PRICKLE2: variants seen among roughly 807,000 people sequenced by gnomAD.
PRICKLE2 encodes the protein prickle planar cell polarity protein 2, also known as prickle-like protein 2.
A neutral mutation model predicts 81.4 loss-of-function variants in PRICKLE2; 21 were observed. The ratio of observed to expected loss-of-function variants is 0.26; its 90% CI spans 0.18 to 0.37. The LOEUF (loss-of-function observed/expected upper bound fraction) is 0.37, where lower values mean the gene tolerates loss of function less well. PRICKLE2 is among the 10% of genes least tolerant of loss of function. The pLI is 1.00. For missense variants in PRICKLE2, 940 were observed against 1,109.0 expected (o/e 0.85, Z 2.16); for synonymous variants, 456 against 421.5 (o/e 1.08, Z -1.00).
At chr3:64,211,936 T>C (rs1316155340) in intron 1 of PRICKLE2, among the ~76,000 whole-genome samples, 1 of 152,196 alleles carries the variant, frequency 6.6e-6, no homozygotes, top group Non-Finnish European at 1.5e-5. Context: ...ACTGAGATGT[T>C]GACAGGAGTC....
intron 7 of PRICKLE2, 92 bp from the exon 8 acceptor site, chr3:64,100,017 T>C (rs1289252997): frequency 1.4e-6 from 2 of 1,419,884 alleles, no homozygotes; most frequent in Non-Finnish European, 2.0e-6. Flanking sequence ...AGGGTCATTA[T>C]ATACCGTTGT....
chr3:64,222,553 C>T (rs915427739), intron 1 of PRICKLE2, among the ~76,000 whole-genome samples: 2 of 152,118 alleles, frequency 1.3e-5, no homozygotes, highest in Non-Finnish European at 2.9e-5. Context: ...CAAAATTGTG[C>T]CATAGCAGTG....
Position 64,183,101 on chromosome 3 carries a change from TTAAAA to T in PRICKLE2, c.144+15678_144+15682del, listed in dbSNP as rs1204156636. Among the ~76,000 whole-genome samples, 4 of 151,734 alleles carry T rather than the reference TTAAAA, an allele frequency of 2.6e-5. No homozygotes were observed. In the South Asian group the frequency reaches 6.2e-4, roughly 24 times the overall value. On this transcript the variant is annotated intron_variant, in intron 2 of 7. Transcript: ENST00000638394. The stretch of plus-strand genomic sequence containing the variant: ...CCCACTTAAAACCATAAGAAAAGGC[TTAAAA>T]TAAAAGAATGGAAAAGCATAGTCTT...
At chr3:64,194,682 T>C (rs1319852322) in intron 2 of PRICKLE2, among the ~76,000 whole-genome samples, 1 of 152,208 alleles carries the variant, frequency 6.6e-6, no homozygotes, top group Non-Finnish European at 1.5e-5. Flanking sequence ...TTATCTACTG[T>C]AAATGTATCA....
intron 2 of PRICKLE2, among the ~76,000 whole-genome samples, chr3:64,247,624 A>G (rs1002835876): frequency 6.6e-6 from 1 of 152,176 alleles, no homozygotes; most frequent in Non-Finnish European, 1.5e-5. Flanking sequence ...TTAATAAGAC[A>G]TTATTTCAAA....
At chr3:64,139,191 G>T (rs555496813) in intron 7 of PRICKLE2, among the ~76,000 whole-genome samples, 2 of 119,624 alleles carry the variant, frequency 1.7e-5, no homozygotes, top group Non-Finnish European at 3.7e-5. Flanking sequence ...TGTGTAAAAG[G>T]CATGGCCTTG....
chr3:64,129,706 G>C (rs1056144814), intron 7 of PRICKLE2, among the ~76,000 whole-genome samples: 1 of 152,098 alleles, frequency 6.6e-6, no homozygotes, highest in Admixed American at 6.6e-5. Flanking sequence ...TACTGAGGTT[G>C]TTTGGGCTGA....
chr3:64,257,488 A>C (rs1409136792), intron 2 of PRICKLE2, among the ~76,000 whole-genome samples: 1 of 152,190 alleles, frequency 6.6e-6, no homozygotes, highest in Non-Finnish European at 1.5e-5. Flanking sequence ...GAAAAGGCTG[A>C]TTTGGCAATG....
intron 2 of PRICKLE2, chr3:64,190,426 T>C (rs1559566519): frequency 6.6e-6 from 1 of 152,118 alleles, no homozygotes; most frequent in South Asian, 2.1e-4. Flanking sequence ...CCTGAAATTA[T>C]CTTACTTATT....
At chr3:64,210,808 G>A (rs2078773740) in intron 1 of PRICKLE2, among the ~76,000 whole-genome samples, 1 of 152,110 alleles carries the variant, frequency 6.6e-6, no homozygotes, top group Non-Finnish European at 1.5e-5. Flanking sequence ...ATTTTGATTT[G>A]CAGAAATGAT....
chr3:64,232,775 C>T (rs116121435), intron 2 of PRICKLE2, among the ~76,000 whole-genome samples: 1 of 152,144 alleles, frequency 6.6e-6, no homozygotes, highest in South Asian at 2.1e-4. Context: ...TGAGTCCACA[C>T]CATATCCCCC....
rs759955615 is a variant in PRICKLE2, at chr3:64,146,958, C to CCTTCCT, written c.1526_1531dup (p.Glu509_Glu510dup). The CCTTCCT allele has an allele frequency of 1.9e-6, 3 of 1,614,112 alleles. No individual in the cohort carries two copies. Among genetic ancestry groups the CCTTCCT allele is most frequent in the Non-Finnish European group, 2.5e-6 (3 of 1,180,016 alleles). On this transcript the variant is annotated inframe_insertion, in exon 7 of 8. Coordinates refer to ENST00000638394, the MANE Select transcript of PRICKLE2 (RefSeq NM_198859.4). ...CCGACACTGCTGAGTGGACAAGCCC[C>CCTTCCT]CTTCCTCTTCCTCTTCCTCCTCATA...
chr3:64,197,151 G>A (rs57476258), intron 2 of PRICKLE2, among the ~76,000 whole-genome samples: 35,436 of 151,842 alleles, frequency 0.23, 5,022 homozygotes, highest in African/African-American at 0.4. Context: ...TTCTCTATCC[G>A]GTCTGTCATT....
At chr3:64,162,553 G>A (rs2077752281) in intron 3 of PRICKLE2, among the ~76,000 whole-genome samples, 1 of 152,194 alleles carries the variant, frequency 6.6e-6, no homozygotes, top group South Asian at 2.1e-4. Context: ...ATCTGGACAT[G>A]TAATTCTCCT....
chr3:64,105,678 TCTC>T (rs1191329255), intron 7 of PRICKLE2: 1 of 152,224 alleles, frequency 6.6e-6, no homozygotes, highest in Non-Finnish European at 1.5e-5. Flanking sequence ...AGAAATGTTT[TCTC>T]CTTACTAATC....
chr3:64,153,649 C>T (rs1285863661), intron 5 of PRICKLE2: 26 of 405,612 alleles, frequency 6.4e-5, no homozygotes. Flanking sequence ...GAATATAAGG[C>T]AGGATCAAAA....
chr3:64,200,275 AATCC>A (rs1215938989), intron 1 of PRICKLE2: 2 of 152,226 alleles, frequency 1.3e-5, no homozygotes, highest in African/African-American at 4.8e-5. Context: ...TTTCAAGGTT[AATCC>A]AAGTTATAGC....
chr3:64,104,177 C>T (rs1559509493), intron 7 of PRICKLE2, among the ~76,000 whole-genome samples: 2 of 152,184 alleles, frequency 1.3e-5, no homozygotes. Context: ...TACTCTGCTG[C>T]TTATCTCTTA....
At chr3:64,154,662 T>C (rs2077599914) in intron 5 of PRICKLE2, 1 of 152,218 alleles carries the variant, frequency 6.6e-6, no homozygotes. Flanking sequence ...CAATGGTTTC[T>C]TAGATATGAT....
Sources: allele counts gnomAD v4.1 joint callset (sites outside exome capture counted in the v4.1 genomes callset), GRCh38; gene constraint gnomAD v4.1.1; transcripts MANE v1.5; gene names NCBI Gene and HGNC (gene_info 2026-07-23, HGNC 2026-07-21).